ANGPT1: variants seen among roughly 807,000 people sequenced by gnomAD.
ANGPT1 encodes the protein angiopoietin-1.
A neutral mutation model predicts 62.2 loss-of-function variants in ANGPT1; 17 were observed. The ratio of observed to expected loss-of-function variants is 0.27; its 90% confidence interval spans 0.19 to 0.41. The LOEUF (loss-of-function observed/expected upper bound fraction) is 0.41. Ranked by LOEUF, ANGPT1 falls within the 10% of genes least tolerant of loss-of-function variation. The pLI, the probability that ANGPT1 is intolerant of heterozygous loss-of-function variation, is 1.00. For missense variants in ANGPT1, 478 were observed against 594.9 expected (o/e 0.80, Z 2.04); for synonymous variants, 199 against 198.9 (o/e 1.00, Z 0.00).
intron 4 of ANGPT1, among the ~76,000 whole-genome samples, chr8:107,308,822 A>G (rs987233414): frequency 1.3e-5 from 2 of 152,178 alleles, no homozygotes; most frequent in Non-Finnish European, 2.9e-5. Flanking sequence ...TCTGTCTTTC[A>G]CCAGCCAACA....
intron 1 of ANGPT1, among the ~76,000 whole-genome samples, chr8:107,483,724 G>A (rs1812745068): frequency 6.6e-6 from 1 of 151,886 alleles, no homozygotes; most frequent in Non-Finnish European, 1.5e-5. Flanking sequence ...TTGTTTTTTA[G>A]CTGAAAGAAA....
intron 1 of ANGPT1, among the ~76,000 whole-genome samples, chr8:107,489,950 A>AG (rs1306401312): frequency 6.6e-6 from 1 of 151,738 alleles, no homozygotes; most frequent in Non-Finnish European, 1.5e-5. Flanking sequence ...AAAAAAAAAA[A>AG]GAAGAAAAGA....
intron 4 of ANGPT1, among the ~76,000 whole-genome samples, chr8:107,314,901 GTCATTCTTAAC>G (rs1343323050): frequency 6.6e-6 from 1 of 152,116 alleles, no homozygotes; most frequent in Admixed American, 6.5e-5. Flanking sequence ...TGTTTTTAGA[GTCATTCTTAAC>G]TCAAGGGACT....
At chr8:107,482,277 G>C (rs867303230) in intron 1 of ANGPT1, among the ~76,000 whole-genome samples, 16 of 152,276 alleles carry the variant, frequency 1.1e-4, no homozygotes, top group African/African-American at 3.1e-4. Flanking sequence ...TTCAGAAAAG[G>C]AACTGTAGGG....
chr8:107,453,242 C>T (rs975397249), intron 1 of ANGPT1, among the ~76,000 whole-genome samples: 1 of 152,052 alleles, frequency 6.6e-6, no homozygotes, highest in Non-Finnish European at 1.5e-5. Flanking sequence ...TGACTAAAAA[C>T]AATTAAAGAA....
chr8:107,268,553 T>C (rs1156558809), intron 7 of ANGPT1, among the ~76,000 whole-genome samples: 2 of 151,650 alleles, frequency 1.3e-5, no homozygotes, highest in African/African-American at 2.4e-5. Context: ...GCAGATAGAA[T>C]AAAGGAAAAA....
chr8:107,364,179 TA>T (rs1408597191), intron 1 of ANGPT1, among the ~76,000 whole-genome samples: 1 of 152,210 alleles, frequency 6.6e-6, no homozygotes, highest in East Asian at 1.9e-4. Context: ...TGGAATTTTT[TA>T]TATAGCAAGC....
intron 1 of ANGPT1, among the ~76,000 whole-genome samples, chr8:107,375,898 C>A (rs1672182): frequency 0.89 from 135,243 of 152,154 alleles, 60,339 homozygotes; most frequent in East Asian, 0.99. Flanking sequence ...GTCTTCCAGG[C>A]TATATGGTCA....
intron 3 of ANGPT1, among the ~76,000 whole-genome samples, chr8:107,332,881 A>ACAAG (rs1447796797): frequency 2.0e-5 from 3 of 152,234 alleles, no homozygotes; most frequent in African/African-American, 7.2e-5. Context: ...TTAATGTAGA[A>ACAAG]ATAGCTTCTT....
intron 5 of ANGPT1, among the ~76,000 whole-genome samples, chr8:107,297,787 A>G (rs1014580747): frequency 1.3e-5 from 2 of 151,164 alleles, no homozygotes; most frequent in African/African-American, 4.8e-5. Flanking sequence ...ACACGCATAC[A>G]TATATCTATA....
chr8:107,420,386 A>G (rs1439585345), intron 1 of ANGPT1, among the ~76,000 whole-genome samples: 1 of 152,190 alleles, frequency 6.6e-6, no homozygotes, highest in Non-Finnish European at 1.5e-5. Context: ...ATCAGTTCTT[A>G]GGAAAAAAAC....
At chr8:107,400,116 T>A (rs1193293125) in intron 1 of ANGPT1, among the ~76,000 whole-genome samples, 2 of 152,204 alleles carry the variant, frequency 1.3e-5, no homozygotes, top group Non-Finnish European at 2.9e-5. Flanking sequence ...GACAGTGATC[T>A]TCTAGCCTCC....
intron 2 of ANGPT1, among the ~76,000 whole-genome samples, chr8:107,338,811 T>C (rs1815631467): frequency 6.6e-6 from 1 of 152,224 alleles, no homozygotes; most frequent in Non-Finnish European, 1.5e-5. Flanking sequence ...AGTGACAATT[T>C]ATAAAATAAT....
intron 1 of ANGPT1, among the ~76,000 whole-genome samples, chr8:107,420,605 A>G (rs1196742263): frequency 6.6e-6 from 1 of 152,150 alleles, no homozygotes; most frequent in Non-Finnish European, 1.5e-5. Flanking sequence ...CAGGTCTCAT[A>G]TCCTCTCATA....
chr8:107,274,863 T>C (rs16875986), intron 7 of ANGPT1, among the ~76,000 whole-genome samples: 2,714 of 152,172 alleles, frequency 0.018, 95 homozygotes, highest in African/African-American at 0.063. Flanking sequence ...TGCCAAGCAT[T>C]GTGAAGAGGT....
At chr8:107,486,298 C>T (rs1812812993) in intron 1 of ANGPT1, among the ~76,000 whole-genome samples, 1 of 152,144 alleles carries the variant, frequency 6.6e-6, no homozygotes, top group African/African-American at 2.4e-5. Flanking sequence ...AGCCAGACTG[C>T]CTGGGATTGA....
At chr8:107,260,393 G>C (rs950201471) in intron 8 of ANGPT1, among the ~76,000 whole-genome samples, 4 of 152,076 alleles carry the variant, frequency 2.6e-5, no homozygotes, top group African/African-American at 9.7e-5. Context: ...AGAGCTATGA[G>C]TTACTAGCTC....
At chr8:107,431,497 C>T (rs1261689950) in intron 1 of ANGPT1, among the ~76,000 whole-genome samples, 1 of 152,204 alleles carries the variant, frequency 6.6e-6, no homozygotes, top group Non-Finnish European at 1.5e-5. Flanking sequence ...GTTCTCTTCA[C>T]ATTACATGTC....
chr8:107,277,526 G>GATC (rs1813893945), intron 7 of ANGPT1, among the ~76,000 whole-genome samples: 1 of 152,082 alleles, frequency 6.6e-6, no homozygotes, highest in Admixed American at 6.6e-5. Flanking sequence ...TTTCAAAATA[G>GATC]ATCAGCTTTA....
Sources: allele counts gnomAD v4.1 joint callset (sites outside exome capture counted in the v4.1 genomes callset), GRCh38; gene constraint gnomAD v4.1.1; transcripts MANE v1.5; gene names NCBI Gene and HGNC (gene_info 2026-07-23, HGNC 2026-07-21).